NIPA1: variants seen among roughly 807,000 people sequenced by gnomAD.
NIPA1 encodes the protein NIPA magnesium transporter 1.
In NIPA1, 13 loss-of-function variants were observed where a neutral mutation model predicts 23.9. The ratio of observed to expected loss-of-function variants is 0.54; its 90% CI spans 0.35 to 0.87. NIPA1 has a LOEUF of 0.87. NIPA1 is among the 40% of genes least tolerant of loss of function. The pLI is 0.01. For synonymous variants in NIPA1, 234 were observed against 202.9 expected (o/e 1.15, Z -1.30); for missense variants, 362 against 429.7 (o/e 0.84, Z 1.39).
chr15:22,814,417 A>G (rs539263322), intron 3 of NIPA1, among the ~76,000 whole-genome samples: 1 of 151,830 alleles, frequency 6.6e-6, no homozygotes, highest in Admixed American at 6.6e-5. Flanking sequence ...GTTGGCTGGG[A>G]TGGTCTTGAT....
rs547262595 is a variant in NIPA1, at chr15:22,787,419, T to TA, written c.178+586dup. 2.7e-3 allele frequency among the ~76,000 whole-genome samples: 404 copies of TA among 152,314 alleles called. 1 individual carries two copies. The highest frequency in any genetic ancestry group is 8.9e-3 in the African/African-American group (372 of 41,570). On this transcript the variant is annotated intron_variant, in intron 1 of 4. Coordinates refer to ENST00000337435, the MANE Select transcript of NIPA1 (RefSeq NM_144599.5). The stretch of plus-strand genomic sequence containing the variant: ...GGGCTGTGCGTTCCTGGGGTGCTCT[T>TA]ACGGAGCCCGCTGCGCCTTAGACCT...
intron 1 of NIPA1, among the ~76,000 whole-genome samples, chr15:22,808,679 C>T (rs866873017): frequency 4.8e-4 from 61 of 128,276 alleles, no homozygotes; most frequent in Admixed American, 5.2e-4. Context: ...TAGCAATATT[C>T]TTTTTTTTGA....
intron 4 of NIPA1, among the ~76,000 whole-genome samples, chr15:22,821,130 A>AT (rs917007780): frequency 3.3e-5 from 5 of 150,542 alleles, no homozygotes; most frequent in African/African-American, 1.2e-4. Flanking sequence ...TGCCCGGCTA[A>AT]TTTTTTTTGT....
rs546523314 is a variant in NIPA1, at chr15:22,828,739, A to C, written c.*4500A>C. ...CCAGGGCCCAGAGCATGAGCCAGGG[A>C]GGAGGATGTTTTTCTTCTTTTCTCT... On this transcript the variant is annotated 3_prime_UTR_variant, in exon 5 of 5. Coordinates refer to ENST00000337435, the MANE Select transcript of NIPA1 (RefSeq NM_144599.5). 13 of 152,744 alleles carry C rather than the reference A, an allele frequency of 8.5e-5. No individual in the cohort carries two copies. In the East Asian group the frequency reaches 2.5e-3, roughly 29 times the overall value. The allele number at this position is 152,744 out of a possible 1,614,324, so 9.5% of individuals were successfully genotyped here. A position where few individuals can be genotyped will look rare whatever the true frequency, so the allele number is the denominator to read the frequency against.
chr15:22,812,123 T>A (rs762911026), intron 2 of NIPA1, 40 bp from the exon 3 acceptor site: 3 of 1,413,628 alleles, frequency 2.1e-6, no homozygotes, highest in Admixed American at 3.4e-5. Context: ...GGAAGAGAGC[T>A]CTGTAATTGC....
rs71117480 is a variant in NIPA1, at chr15:22,816,486, C to CTTTTTTTTTTT, written c.318-3814_318-3804dup. Among the ~76,000 whole-genome samples the CTTTTTTTTTTT allele has an allele frequency of 9.5e-5, 4 of 42,306 alleles. 1 individual carries two copies. The highest frequency in any genetic ancestry group is 2.2e-4 in the African/African-American group (2 of 9,280). The allele number at this position is 42,306 out of a possible 152,430, so 27.8% of individuals were successfully genotyped here. A position where few individuals can be genotyped will look rare whatever the true frequency, so the allele number is the denominator to read the frequency against. The stretch of plus-strand genomic sequence containing the variant: ...ACAGGTGTGAGCCACCGCACCCAGC[C>CTTTTTTTTTTT]TTTTTTTTTTTTTTTTTTTTTTTCA... On this transcript the variant is annotated intron_variant, in intron 3 of 4. Coordinates refer to ENST00000337435, the MANE Select transcript of NIPA1 (RefSeq NM_144599.5).
intron 1 of NIPA1, among the ~76,000 whole-genome samples, chr15:22,805,128 C>A (rs1284171856): frequency 6.6e-6 from 1 of 152,148 alleles, no homozygotes; most frequent in Non-Finnish European, 1.5e-5. Context: ...GCGTGAGCCA[C>A]CATGCCCAGC....
At chr15:22,803,097 T>G (rs1349289661) in intron 1 of NIPA1, among the ~76,000 whole-genome samples, 5 of 151,806 alleles carry the variant, frequency 3.3e-5, no homozygotes, top group African/African-American at 1.2e-4. Flanking sequence ...GCTGGGATTA[T>G]AGGCAGCTGT....
chr15:22,810,146 G>A (rs969311454), intron 1 of NIPA1, among the ~76,000 whole-genome samples: 1 of 152,206 alleles, frequency 6.6e-6, no homozygotes, highest in Non-Finnish European at 1.5e-5. Context: ...AAGAGGCAGG[G>A]GGAGGGAGGA....
At position 22,822,931 on chromosome 15, in the gene NIPA1, T is replaced by G. The variant is rs1282582220; in HGVS notation, c.479-797T>G. 2.1e-3 allele frequency among the ~76,000 whole-genome samples: 294 copies of G among 139,488 alleles called. 1 individual carries two copies. The highest frequency in any genetic ancestry group is 3.9e-3 in the Non-Finnish European group (253 of 64,286). The allele number at this position is 139,488 out of a possible 152,430, so 91.5% of individuals were successfully genotyped here. ...TGGTTTTTTTTTTTTTTTTTTTTTT[T>G]TTTTTGAGACGGACTCTTGCTCTGT... is the stretch of plus-strand genomic sequence containing the variant. On this transcript the variant is annotated intron_variant, in intron 4 of 4. Coordinates refer to ENST00000337435, the MANE Select transcript of NIPA1 (RefSeq NM_144599.5).
chr15:22,821,237 T>G (rs1053941272), intron 4 of NIPA1, among the ~76,000 whole-genome samples: 2 of 151,952 alleles, frequency 1.3e-5, no homozygotes, highest in Non-Finnish European at 2.9e-5. Flanking sequence ...AGTGCTGGGA[T>G]TACAGGCGTG....
At chr15:22,811,745 G>A (rs117785937) in intron 2 of NIPA1, among the ~76,000 whole-genome samples, 7,086 of 152,198 alleles carry the variant, frequency 0.047, 230 homozygotes, top group Non-Finnish European at 0.073. Context: ...AGTCTTGTGC[G>A]GCAGTACTGT....
intron 4 of NIPA1, among the ~76,000 whole-genome samples, chr15:22,822,703 T>C (rs1277788791): frequency 2.6e-5 from 4 of 151,932 alleles, no homozygotes; most frequent in African/African-American, 9.7e-5. Flanking sequence ...CGGGTGCTTA[T>C]GTATTCCCAG....
chr15:22,788,919 T>TAAAAA (rs199860403), intron 1 of NIPA1, among the ~76,000 whole-genome samples: 3,165 of 78,710 alleles, frequency 0.04, 255 homozygotes, highest in African/African-American at 0.13. Flanking sequence ...GGCTCTGTCT[T>TAAAAA]AAAAAAAAAA....
intron 1 of NIPA1, among the ~76,000 whole-genome samples, chr15:22,799,300 C>T (rs1895013226): frequency 6.6e-6 from 1 of 152,060 alleles, no homozygotes; most frequent in African/African-American, 2.4e-5. Flanking sequence ...AGCTGGAGGC[C>T]ATTATCCTAA....
At chr15:22,823,304 C>T (rs1233605471) in intron 4 of NIPA1, among the ~76,000 whole-genome samples, 2 of 150,948 alleles carry the variant, frequency 1.3e-5, no homozygotes, top group African/African-American at 2.4e-5. Context: ...AACCTCCACC[C>T]CCTAGGTTCA....
rs577319001 is a variant in NIPA1 at position 22,794,109 on chromosome 15, T to C, written c.178+7275T>C. On this transcript the variant is annotated intron_variant, in intron 1 of 4. Coordinates refer to ENST00000337435, the MANE Select transcript of NIPA1 (RefSeq NM_144599.5). ...ATTTCCCTGAAAAATATTGCTGTTATATTGACAGGGATTGCATTGAATCTC... is the reference window on the plus strand; with the variant it reads ...ATTTCCCTGAAAAATATTGCTGTTACATTGACAGGGATTGCATTGAATCTC... Among the ~76,000 whole-genome samples, 38 of 152,190 alleles carry C rather than the reference T, an allele frequency of 2.5e-4. 2 individuals are homozygous for C. The South Asian group carries it at 3.1e-3, about 12-fold the overall frequency.
chr15:22,791,647 C>T (rs1341606630), intron 1 of NIPA1, among the ~76,000 whole-genome samples: 2 of 151,962 alleles, frequency 1.3e-5, no homozygotes, highest in African/African-American at 4.8e-5. Context: ...CCACACCTGG[C>T]TAATTTTTGT....
At chr15:22,803,675 A>ATTTTT (rs34811722) in intron 1 of NIPA1, among the ~76,000 whole-genome samples, 1,795 of 71,060 alleles carry the variant, frequency 0.025, 106 homozygotes, top group African/African-American at 0.11. Flanking sequence ...GGCCCGGCTA[A>ATTTTT]TTTTTTTTTT....
Sources: gnomAD v4.1 joint callset for allele counts (sites outside exome capture counted in the v4.1 genomes callset) on GRCh38, gnomAD v4.1.1 for gene constraint, MANE v1.5 for transcripts, NCBI Gene and HGNC (gene_info 2026-07-23, HGNC 2026-07-21) for gene names.